Variants in LRP6 observed in about 807,000 individuals in gnomAD.
LRP6 encodes LDL receptor related protein 6, also known as low-density lipoprotein receptor-related protein 6.
In LRP6, 43 loss-of-function variants were observed where a neutral mutation model predicts 184.1. The observed-to-expected ratio is 0.23, with a 90% CI of 0.18 to 0.30. The LOEUF (loss-of-function observed/expected upper bound fraction) is 0.30, where lower values mean the gene tolerates loss of function less well. Ranked by LOEUF, LRP6 falls within the 10% of genes least tolerant of loss-of-function variation. The pLI is 1.00. For missense variants in LRP6, 1,571 were observed against 2,005.3 expected (o/e 0.78, Z 4.14); for synonymous variants, 719 against 684.9 (o/e 1.05, Z -0.78).
Position 12,164,393 on chromosome 12 carries a change from T to A in LRP6, c.1932A>T (p.Arg644=). Residue 644 remains arginine (R), a synonymous_variant, in exon 9 of 23, where the codon CGA becomes CGT. Coordinates refer to ENST00000261349, the MANE Select transcript of LRP6 (RefSeq NM_002336.3). ...TATTATTGTTTGTTTCCAGAGAAAT[T>A]CGTCTGATATCTGCTCTCCGTGAAA... is the stretch of plus-strand genomic sequence containing the variant. The part of the protein sequence containing the change: ...LLFSRRADIR[R]ISLETNNNNV... The A allele has an allele frequency of 6.2e-7, 1 of 1,614,146 alleles. No individual in the cohort carries two copies. The highest frequency in any genetic ancestry group is 8.5e-7 in the Non-Finnish European group (1 of 1,180,034).
At chr12:12,124,839 C>T (rs1297914742) in intron 21 of LRP6, among the ~76,000 whole-genome samples, 177 bp from the exon 22 acceptor site, 1 of 152,062 alleles carries the variant, frequency 6.6e-6, no homozygotes. Context: ...TTCCTCATTC[C>T]CTAAGACCTC....
chr12:12,135,194 T>G lies in LRP6; in HGVS notation c.3714A>C (p.Gln1238His). 6.2e-7 allele frequency: 1 copy of G among 1,613,938 alleles called. No individual in the cohort carries two copies. The highest frequency in any genetic ancestry group is 8.5e-7 in the Non-Finnish European group (1 of 1,179,868). ...CSCPMHLVLL[Q>H]DELSCGEPPT... ...ATTTACCTCCACATGATAGCTCATCTTGAAGTAGAACCAGGTGCATGGGGC... is the reference window on the plus strand; with the variant it reads ...ATTTACCTCCACATGATAGCTCATCGTGAAGTAGAACCAGGTGCATGGGGC... Residue 1238 changes from glutamine to histidine, a missense_variant, in exon 17 of 23, where the codon CAA becomes CAC. Gln to His is a conservative substitution (Grantham distance 24, BLOSUM62 0). Coordinates refer to ENST00000261349, the MANE Select transcript of LRP6 (RefSeq NM_002336.3).
intron 1 of LRP6, 66 bp downstream of exon 1, chr12:12,266,615 G>C (rs1865772371): frequency 4.3e-6 from 5 of 1,152,880 alleles, no homozygotes; most frequent in Middle Eastern, 3.9e-4. Context: ...CCTCCCCCTA[G>C]ACACATACAA....
chr12:12,264,686 G>A (rs1318668565), intron 1 of LRP6, among the ~76,000 whole-genome samples: 3 of 152,092 alleles, frequency 2.0e-5, no homozygotes, highest in African/African-American at 7.2e-5. Flanking sequence ...TATAACAGAG[G>A]ATGACATTCT....
rs138158446 is a variant in LRP6, at chr12:12,157,813, G to A, written c.2791+1016C>T. Among the ~76,000 whole-genome samples the A allele has an allele frequency of 1.4e-3, 219 of 151,760 alleles. 1 individual carries two copies. The highest frequency in any genetic ancestry group is 4.3e-3 in the African/African-American group (179 of 41,324). ...GATTTAATCTACTTATTTCTTAATC[G>A]TATCTACCAATTTGTTCTTGTCTAT... On this transcript the variant is annotated intron_variant, in intron 12 of 22. Transcript: ENST00000261349.
chr12:12,119,774 TCA>T lies in LRP6; in HGVS notation c.*1350_*1351del, dbSNP rs1949568901. ...GGATAATTTGAAAACAGCCTAACAT[TCA>T]CAGTGGGTAACAGAAAGATATTAAA... On this transcript the variant is annotated 3_prime_UTR_variant, in exon 23 of 23. Coordinates refer to ENST00000261349, the MANE Select transcript of LRP6 (RefSeq NM_002336.3). The T allele has an allele frequency of 6.6e-6, 1 of 151,858 alleles. No individual in the cohort carries two copies. 9.4% of individuals were successfully genotyped at this position (151,858 alleles called of 1,614,324 possible). A position where few individuals can be genotyped will look rare whatever the true frequency, so the allele number is the denominator to read the frequency against.
intron 1 of LRP6, among the ~76,000 whole-genome samples, chr12:12,245,349 T>C (rs1057238862): frequency 3.3e-5 from 5 of 152,092 alleles, no homozygotes; most frequent in African/African-American, 1.2e-4. Flanking sequence ...ATGACTCTCA[T>C]CTATATAAAC....
chr12:12,150,223 T>C (rs1213185558), intron 13 of LRP6, among the ~76,000 whole-genome samples: 2 of 152,078 alleles, frequency 1.3e-5, no homozygotes, highest in Non-Finnish European at 2.9e-5. Flanking sequence ...GGCATGTAAA[T>C]GGGTAAGATT....
chr12:12,173,604 A>G (rs549802671), intron 7 of LRP6, among the ~76,000 whole-genome samples: 23 of 152,206 alleles, frequency 1.5e-4, no homozygotes, highest in African/African-American at 5.3e-4. Flanking sequence ...CAGCCTCCCA[A>G]GTAGCTGGGA....
chr12:12,123,502 C>A (rs1222507892), intron 22 of LRP6, among the ~76,000 whole-genome samples: 1 of 152,074 alleles, frequency 6.6e-6, no homozygotes, highest in Non-Finnish European at 1.5e-5. Context: ...GACTGAAATG[C>A]TAGGAAAGAT....
chr12:12,159,575 A>G (rs1862691353), intron 11 of LRP6, among the ~76,000 whole-genome samples: 1 of 152,226 alleles, frequency 6.6e-6, no homozygotes, highest in African/African-American at 2.4e-5. Flanking sequence ...CAAGTCCAAT[A>G]ATAATGAAAC....
chr12:12,125,146 GGT>G (rs1454739927), intron 21 of LRP6, 148 bp downstream of exon 21: 15 of 763,724 alleles, frequency 2.0e-5, no homozygotes, highest in Non-Finnish European at 3.1e-5. Flanking sequence ...CATGGATGGT[GGT>G]GTGTGGTAAG....
chr12:12,203,535 G>A (rs1863971094), intron 2 of LRP6, 135 bp from the exon 3 acceptor site: 4 of 721,554 alleles, frequency 5.5e-6, no homozygotes, highest in African/African-American at 1.8e-5. Context: ...GGGAGGCTGA[G>A]GCAGGCAAAT....
chr12:12,263,850 AT>A (rs1865690969), intron 1 of LRP6, among the ~76,000 whole-genome samples: 1 of 151,890 alleles, frequency 6.6e-6, no homozygotes, highest in Non-Finnish European at 1.5e-5. Context: ...AAAAATAGGA[AT>A]TCGTGAACCT....
intron 7 of LRP6, among the ~76,000 whole-genome samples, chr12:12,171,408 G>T (rs1042727127): frequency 6.6e-6 from 1 of 151,984 alleles, no homozygotes; most frequent in South Asian, 2.1e-4. Flanking sequence ...CGTAGTCCCA[G>T]CTACTCAGGA....
At chr12:12,243,805 C>G (rs1208384372) in intron 2 of LRP6, among the ~76,000 whole-genome samples, 1 of 152,144 alleles carries the variant, frequency 6.6e-6, no homozygotes, top group African/African-American at 2.4e-5. Flanking sequence ...GGCTGGAGTG[C>G]AGTGGTGCGA....
chr12:12,177,666 C>A (rs1863229190), intron 7 of LRP6, among the ~76,000 whole-genome samples: 2 of 152,086 alleles, frequency 1.3e-5, no homozygotes, highest in African/African-American at 2.4e-5. Context: ...ATGACAAAGG[C>A]TCTGATGTCC....
chr12:12,127,395 G>A (rs1949686906), intron 19 of LRP6, among the ~76,000 whole-genome samples: 2 of 152,204 alleles, frequency 1.3e-5, no homozygotes, highest in African/African-American at 4.8e-5. Flanking sequence ...GCCAAAATCA[G>A]CTCTGAGCAC....
chr12:12,215,907 G>A (rs1864332114), intron 2 of LRP6, among the ~76,000 whole-genome samples: 1 of 151,874 alleles, frequency 6.6e-6, no homozygotes, highest in Non-Finnish European at 1.5e-5. Context: ...AGCTACTTGG[G>A]AAGTTGAAGC....
Sources: allele counts gnomAD v4.1 joint callset (sites outside exome capture counted in the v4.1 genomes callset), GRCh38; gene constraint gnomAD v4.1.1; transcripts MANE v1.5; gene names NCBI Gene and HGNC (gene_info 2026-07-23, HGNC 2026-07-21).